The following RTF1 variants were observed in gnomAD, a reference collection of about 807,000 sequenced individuals.
The protein encoded by RTF1 is RTF1 homolog, Paf1/RNA polymerase II complex component, also known as RNA polymerase-associated protein RTF1 homolog.
Under a neutral mutation model 95.7 loss-of-function variants are expected in RTF1, and 10 were observed. That is an observed-to-expected ratio of 0.10 (90% CI 0.06 to 0.18). The LOEUF (loss-of-function observed/expected upper bound fraction) is 0.18. Among genes scored for constraint, RTF1 ranks in the 10% least tolerant of loss-of-function variants. RTF1 has a pLI of 1.00. For synonymous variants in RTF1, 305 were observed against 311.8 expected (o/e 0.98, Z 0.23); for missense variants, 458 against 875.6 (o/e 0.52, Z 6.02).
intron 1 of RTF1, among the ~76,000 whole-genome samples, chr15:41,420,845 T>G (rs1358072164): frequency 6.6e-6 from 1 of 152,146 alleles, no homozygotes; most frequent in Non-Finnish European, 1.5e-5. Flanking sequence ...ACCTACTGAA[T>G]CAGACTCTCA....
intron 7 of RTF1, 115 bp downstream of exon 7, chr15:41,470,507 T>G: frequency 8.9e-7 from 1 of 1,123,152 alleles, no homozygotes; most frequent in Non-Finnish European, 1.3e-6. Flanking sequence ...ATGGTTACCT[T>G]TGGTTTGCTG....
intron 7 of RTF1, among the ~76,000 whole-genome samples, chr15:41,470,760 G>A (rs892118059): frequency 7.1e-6 from 1 of 140,608 alleles, no homozygotes. Context: ...CCGGGTTCAC[G>A]CCATTCTCTT....
intron 2 of RTF1, among the ~76,000 whole-genome samples, chr15:41,443,882 A>G (rs1295104200): frequency 2.0e-5 from 3 of 151,928 alleles, no homozygotes; most frequent in Non-Finnish European, 4.4e-5. Context: ...CCTGGCTAAC[A>G]TGGTGAAACC....
chr15:41,475,667 TC>T (rs760414831), intron 10 of RTF1, 44 bp from the exon 11 acceptor site: 36 of 1,602,000 alleles, frequency 2.2e-5, no homozygotes, highest in Admixed American at 5.0e-5. Flanking sequence ...AAAATATCTT[TC>T]CAAAATCCCT....
chr15:41,475,399 G>A (rs900468253), intron 9 of RTF1, 126 bp from the exon 10 acceptor site: 1 of 709,458 alleles, frequency 1.4e-6, no homozygotes, highest in African/African-American at 1.8e-5. Context: ...TGATTTTATA[G>A]GGTAGCTAGG....
At chr15:41,457,639 T>C (rs746781879) in intron 3 of RTF1, 33 bp from the exon 4 acceptor site, 1 of 1,601,208 alleles carries the variant, frequency 6.2e-7, no homozygotes. Flanking sequence ...TTCTGTAGCA[T>C]AGTGTAATCT....
chr15:41,439,880 G>A lies in RTF1; in HGVS notation c.309+1449G>A, dbSNP rs146045309. On this transcript the variant is annotated intron_variant, in intron 2 of 17. Transcript: ENST00000389629. ...TTCGCCAGGCTGGTCTCAAACTTCC[G>A]ACCTCAGATGATCCACCTGCCTTGG... Among the ~76,000 whole-genome samples, 380 of 151,908 alleles carry A rather than the reference G, an allele frequency of 2.5e-3. 1 individual carries two copies. The highest frequency in any genetic ancestry group is 8.6e-3 in the African/African-American group (357 of 41,434).
intron 2 of RTF1, among the ~76,000 whole-genome samples, chr15:41,440,877 T>C (rs530740276): frequency 6.6e-6 from 1 of 152,254 alleles, no homozygotes; most frequent in East Asian, 1.9e-4. Flanking sequence ...TGAAATAATT[T>C]GCTTTTTCAT....
chr15:41,471,147 TC>T (rs748464404), intron 7 of RTF1, 24 bp from the exon 8 acceptor site: 3 of 1,562,890 alleles, frequency 1.9e-6, no homozygotes, highest in South Asian at 2.4e-5. Flanking sequence ...GAACATTTTT[TC>T]CAGTGCCCCT....
At chr15:41,462,043 C>T (rs1299270143) in intron 4 of RTF1, among the ~76,000 whole-genome samples, 1 of 151,874 alleles carries the variant, frequency 6.6e-6, no homozygotes, top group Non-Finnish European at 1.5e-5. Context: ...GTGTGAACCA[C>T]CACCCCCAGC....
chr15:41,443,020 A>G (rs181198865), intron 2 of RTF1, among the ~76,000 whole-genome samples: 2 of 152,336 alleles, frequency 1.3e-5, no homozygotes, highest in East Asian at 1.9e-4. Context: ...TGAGCCATTA[A>G]TATAGGTAGA....
At position 41,471,160 on chromosome 15, in the gene RTF1, T is replaced by C; in HGVS notation, c.1026-12T>C. Reference sequence around the variant, plus strand: ...ATGAACATTTTTTCCAGTGCCCCTTTGTTCCTCTTAGGAAAGAAGAGATCC... The same window carrying C: ...ATGAACATTTTTTCCAGTGCCCCTTCGTTCCTCTTAGGAAAGAAGAGATCC... On this transcript the variant is annotated splice_polypyrimidine_tract_variant and intron_variant, in intron 7 of 17. Coordinates refer to ENST00000389629, the MANE Select transcript of RTF1 (RefSeq NM_015138.5). 1 of 1,585,192 alleles carries C rather than the reference T, an allele frequency of 6.3e-7. No homozygotes were observed. Among genetic ancestry groups the C allele is most frequent in the South Asian group, 1.2e-5 (1 of 86,554 alleles).
chr15:41,448,945 C>T (rs889132993), intron 2 of RTF1: 1 of 150,310 alleles, frequency 6.7e-6, no homozygotes, highest in South Asian at 2.1e-4. Context: ...AGTTCAGTGT[C>T]GTGATCTTGG....
chr15:41,432,960 A>G (rs546640586), intron 1 of RTF1, among the ~76,000 whole-genome samples: 13 of 149,680 alleles, frequency 8.7e-5, no homozygotes, highest in African/African-American at 2.9e-4. Flanking sequence ...AAAAACAAAC[A>G]GGCATACTGA....
Position 41,475,620 on chromosome 15 carries a change from G to T in RTF1, c.1374+8G>T. On this transcript the variant is annotated splice_region_variant and intron_variant, in intron 10 of 17. Coordinates refer to ENST00000389629, the MANE Select transcript of RTF1 (RefSeq NM_015138.5). ...ATGAAGTGGAAAGAAGCGGTACGTG[G>T]CTAGAGATTACCTAGCAGTTGTTCG... is the stretch of plus-strand genomic sequence containing the variant. 1 of 1,612,844 alleles carries T rather than the reference G, an allele frequency of 6.2e-7. No homozygotes were observed. The highest frequency in any genetic ancestry group is 2.2e-5 in the East Asian group (1 of 44,878).
chr15:41,442,477 G>C (rs2050740730), intron 2 of RTF1, among the ~76,000 whole-genome samples: 2 of 151,818 alleles, frequency 1.3e-5, no homozygotes, highest in Admixed American at 1.3e-4. Context: ...TTATTAATAC[G>C]TCTTTCGTGG....
chr15:41,443,944 T>C (rs1260173647), intron 2 of RTF1, among the ~76,000 whole-genome samples: 3 of 151,542 alleles, frequency 2.0e-5, no homozygotes, highest in African/African-American at 7.3e-5. Context: ...GGCGGGCGCC[T>C]GTAGTCCCAG....
At chr15:41,435,292 A>G (rs1303379229) in intron 1 of RTF1, among the ~76,000 whole-genome samples, 1 of 152,052 alleles carries the variant, frequency 6.6e-6, no homozygotes, top group East Asian at 1.9e-4. Flanking sequence ...AAACTCATAG[A>G]ACTATATGTG....
intron 3 of RTF1, among the ~76,000 whole-genome samples, chr15:41,454,767 A>G (rs2050804419): frequency 6.6e-6 from 1 of 152,200 alleles, no homozygotes; most frequent in Admixed American, 6.6e-5. Context: ...TTGTTTCTTA[A>G]CAAATCAACC....
Sources: allele counts gnomAD v4.1 joint callset (sites outside exome capture counted in the v4.1 genomes callset), GRCh38; gene constraint gnomAD v4.1.1; transcripts MANE v1.5; gene names NCBI Gene and HGNC (gene_info 2026-07-23, HGNC 2026-07-21).